The following RBFOX2 variants were observed in gnomAD, a reference collection of about 807,000 sequenced individuals.
RBFOX2 encodes the protein RNA binding protein fox-1 homolog 2.
In RBFOX2, 10 loss-of-function variants were observed where a neutral mutation model predicts 49.1. The observed-to-expected ratio is 0.20, with a 90% confidence interval of 0.13 to 0.35. RBFOX2 has a LOEUF of 0.35. Among genes scored for constraint, RBFOX2 ranks in the 10% least tolerant of loss-of-function variants. The pLI is 1.00. For missense variants in RBFOX2, 323 were observed against 486.9 expected (o/e 0.66, Z 3.17); for synonymous variants, 183 against 187.4 (o/e 0.98, Z 0.19).
At chr22:35,878,802 C>G (rs1472846752) in intron 1 of RBFOX2, among the ~76,000 whole-genome samples, 1 of 152,126 alleles carries the variant, frequency 6.6e-6, no homozygotes, top group South Asian at 2.1e-4. Context: ...ACGATCTCAG[C>G]TCACTGCAAG....
intron 1 of RBFOX2, among the ~76,000 whole-genome samples, chr22:35,915,480 G>C (rs1310076012): frequency 6.6e-6 from 1 of 152,070 alleles, no homozygotes; most frequent in East Asian, 1.9e-4. Context: ...AAATACTTTT[G>C]TTTTATGCAG....
chr22:35,780,539 G>A (rs1388562052), intron 3 of RBFOX2, among the ~76,000 whole-genome samples: 2 of 152,010 alleles, frequency 1.3e-5, no homozygotes, highest in African/African-American at 4.8e-5. Context: ...TGGTGATTCA[G>A]GAGGAAATAA....
intron 9 of RBFOX2, among the ~76,000 whole-genome samples, chr22:35,754,002 C>G (rs1221788152): frequency 1.3e-5 from 2 of 150,878 alleles, no homozygotes; most frequent in African/African-American, 4.9e-5. Context: ...AGGCTGGTCT[C>G]GTACTCCTGA....
chr22:35,809,802 C>A (rs1225312534), exon 2 of RBFOX2: 1 of 1,613,884 alleles, frequency 6.2e-7, no homozygotes, highest in South Asian at 1.1e-5. Context: ...ATTTTGTGTG[C>A]TGGGTGAGTT....
intron 1 of RBFOX2, among the ~76,000 whole-genome samples, chr22:36,017,510 A>G (rs1055218916): frequency 5.9e-5 from 9 of 152,194 alleles, no homozygotes; most frequent in Non-Finnish European, 1.3e-4. Flanking sequence ...CCTGGGCAAG[A>G]AGAGCAAAAA....
intron 1 of RBFOX2, among the ~76,000 whole-genome samples, chr22:35,881,039 C>T (rs958481713): frequency 2.8e-5 from 4 of 142,112 alleles, no homozygotes; most frequent in Non-Finnish European, 4.6e-5. Flanking sequence ...CTGAGGTGGG[C>T]GGATCACGAG....
At chr22:36,016,260 T>C (rs571646023) in intron 1 of RBFOX2, among the ~76,000 whole-genome samples, 1 of 152,084 alleles carries the variant, frequency 6.6e-6, no homozygotes, top group Admixed American at 6.5e-5. Flanking sequence ...CCAAAAGTAT[T>C]CCAACTCAAG....
At chr22:35,869,110 T>C (rs2044034918) in intron 1 of RBFOX2, among the ~76,000 whole-genome samples, 1 of 152,150 alleles carries the variant, frequency 6.6e-6, no homozygotes, top group South Asian at 2.1e-4. Context: ...TTCTTTCAAG[T>C]CAGGAACCAA....
chr22:35,867,124 A>G (rs1332181706), intron 1 of RBFOX2, among the ~76,000 whole-genome samples: 1 of 152,204 alleles, frequency 6.6e-6, no homozygotes, highest in Non-Finnish European at 1.5e-5. Context: ...GTTCAGAAAA[A>G]AAGAGAATAG....
intron 1 of RBFOX2, among the ~76,000 whole-genome samples, chr22:35,878,691 C>T (rs2045479960): frequency 6.6e-6 from 1 of 152,218 alleles, no homozygotes; most frequent in African/African-American, 2.4e-5. Context: ...TTCCTCCCAC[C>T]TTGGCCTCCC....
At chr22:35,862,933 A>G (rs1011667265) in intron 1 of RBFOX2, among the ~76,000 whole-genome samples, 12 of 152,184 alleles carry the variant, frequency 7.9e-5, no homozygotes, top group Admixed American at 1.3e-4. Flanking sequence ...TGTCGTCGTC[A>G]TCATCATTAT....
At position 35,977,759 on chromosome 22, in the gene RBFOX2, T is replaced by C. The variant is rs867445169; in HGVS notation, c.187-38862A>G. On this transcript the variant is annotated intron_variant, in intron 1 of 13. Transcript: ENST00000438146. ...ATATATATATATATATATATATATA[T>C]ATACATGCACACACACACATATACA... is the stretch of plus-strand genomic sequence containing the variant. Among the ~76,000 whole-genome samples, 109 of 102,766 alleles carry C rather than the reference T, an allele frequency of 1.1e-3. 3 individuals are homozygous for C. Among genetic ancestry groups the C allele is most frequent in the Middle Eastern group, 0.013 (2 of 160 alleles). 67.4% of individuals were successfully genotyped at this position (102,766 alleles called of 152,430 possible).
chr22:35,846,331 TG>T (rs35204760), intron 1 of RBFOX2, among the ~76,000 whole-genome samples: 1 of 1,916 alleles, frequency 5.2e-4, no homozygotes, highest in East Asian at 4.6e-3. Flanking sequence ...TTTATATAGT[TG>T]TGTGTGTGTG....
At chr22:35,914,440 A>T (rs1215827340) in intron 1 of RBFOX2, among the ~76,000 whole-genome samples, 1 of 152,220 alleles carries the variant, frequency 6.6e-6, no homozygotes, top group East Asian at 1.9e-4. Flanking sequence ...AGCAAGTCTA[A>T]AAAGAGAAAA....
intron 1 of RBFOX2, among the ~76,000 whole-genome samples, chr22:35,852,488 A>T (rs1456078014): frequency 6.9e-6 from 1 of 145,156 alleles, no homozygotes; most frequent in African/African-American, 2.5e-5. Context: ...TTTCTTTTTA[A>T]AAAAAAAAAA....
In RBFOX2 at chr22:35,885,910, G is replaced by A. The variant is rs544309748; in HGVS notation, c.-34+52937C>T. On this transcript the variant is annotated intron_variant, in intron 1 of 13. Coordinates refer to the RBFOX2 transcript ENST00000359369. ...CTCACTCTGTTGCCCAGGCTGGAGT[G>A]CAGTGGCACGATCTGGGCTCACTGC... Among the ~76,000 whole-genome samples the A allele has an allele frequency of 4.9e-4, 64 of 130,472 alleles. 1 individual carries two copies. The highest frequency in any genetic ancestry group is 3.7e-3 in the South Asian group (15 of 4,072). The allele number at this position is 130,472 out of a possible 152,430, so 85.6% of individuals were successfully genotyped here. A position where few individuals can be genotyped will look rare whatever the true frequency, so the allele number is the denominator to read the frequency against.
At chr22:35,981,076 A>C (rs2057434020) in intron 1 of RBFOX2, among the ~76,000 whole-genome samples, 1 of 152,218 alleles carries the variant, frequency 6.6e-6, no homozygotes, top group Admixed American at 6.5e-5. Context: ...AAAGGCTTTT[A>C]GTAGTGGAAT....
intron 1 of RBFOX2, among the ~76,000 whole-genome samples, chr22:35,936,014 T>C (rs144192168): frequency 2.6e-5 from 4 of 152,248 alleles, no homozygotes; most frequent in African/African-American, 9.6e-5. Context: ...TGTCTGCAGA[T>C]GGTTCTCATC....
intron 1 of RBFOX2, among the ~76,000 whole-genome samples, chr22:35,914,534 G>A (rs895285915): frequency 9.2e-5 from 14 of 152,176 alleles, no homozygotes; most frequent in African/African-American, 3.1e-4. Flanking sequence ...AATGTACCTC[G>A]CCTCATTAGG....
Sources: allele counts gnomAD v4.1 joint callset (sites outside exome capture counted in the v4.1 genomes callset), GRCh38; gene constraint gnomAD v4.1.1; transcripts MANE v1.5; gene names NCBI Gene and HGNC (gene_info 2026-07-23, HGNC 2026-07-21).